Variants in NOL4L observed in about 807,000 individuals in gnomAD.
NOL4L encodes nucleolar protein 4 like, also known as nucleolar protein 4-like.
In NOL4L, 7 loss-of-function variants were observed where a neutral mutation model predicts 64.5. The observed-to-expected ratio is 0.11, with a 90% confidence interval of 0.06 to 0.20. NOL4L has a LOEUF of 0.20. Among genes scored for constraint, NOL4L ranks in the 10% least tolerant of loss-of-function variants. The pLI, the probability that NOL4L is intolerant of heterozygous loss-of-function variation, is 1.00. For missense variants in NOL4L, 680 were observed against 967.1 expected (o/e 0.70, Z 3.94); for synonymous variants, 413 against 401.0 (o/e 1.03, Z -0.36).
intron 3 of NOL4L, among the ~76,000 whole-genome samples, chr20:32,515,664 G>A (rs2017622763): frequency 6.6e-6 from 1 of 152,116 alleles, no homozygotes; most frequent in Non-Finnish European, 1.5e-5. Flanking sequence ...GAAGAAGTGG[G>A]TTCCTTGGAC....
At position 32,502,632 on chromosome 20, in the gene NOL4L, C is replaced by T. The variant is rs553844840; in HGVS notation, c.699+8715G>A. Among the ~76,000 whole-genome samples the T allele has an allele frequency of 1.1e-3, 168 of 151,412 alleles. 1 individual carries two copies. Among genetic ancestry groups the T allele is most frequent in the South Asian group, 5.6e-3 (27 of 4,780 alleles). On this transcript the variant is annotated intron_variant, in intron 4 of 10. Coordinates refer to ENST00000621426, the MANE Select transcript of NOL4L (RefSeq NM_001256798.2). ...CTATAAAAATAAAAATAATGCAGGC[C>T]GGGTGTGGTGGCTCACCCCTGTAAT...
intron 1 of NOL4L, among the ~76,000 whole-genome samples, chr20:32,574,800 T>A (rs1341297295): frequency 1.3e-5 from 2 of 151,084 alleles, no homozygotes; most frequent in African/African-American, 4.8e-5. Flanking sequence ...CGGGGTCCCC[T>A]CCACGGCCTC....
intron 1 of NOL4L, among the ~76,000 whole-genome samples, chr20:32,582,953 G>A (rs1980578765): frequency 6.6e-6 from 1 of 152,034 alleles, no homozygotes. Flanking sequence ...CGGGGGAGGG[G>A]ACAATGACCC....
intron 1 of NOL4L, among the ~76,000 whole-genome samples, chr20:32,561,473 C>T (rs1023833668): frequency 1.3e-5 from 2 of 152,202 alleles, no homozygotes; most frequent in Non-Finnish European, 2.9e-5. Flanking sequence ...CGAGGGTGTG[C>T]CCAAAGGATC....
Position 32,520,912 on chromosome 20 carries a change from G to A in NOL4L, c.488C>T (p.Thr163Ile), listed in dbSNP as rs959077431. The A allele has an allele frequency of 5.2e-6, 8 of 1,549,452 alleles. No individual in the cohort carries two copies. Among genetic ancestry groups the A allele is most frequent in the Non-Finnish European group, 6.1e-6 (7 of 1,146,186 alleles). The change falls in exon 3 of 11, where the codon ACC becomes ATC. Residue 163 changes from threonine to isoleucine, a missense_variant. Thr to Ile is a moderately conservative substitution (Grantham distance 89, BLOSUM62 -1). Coordinates refer to ENST00000621426, the MANE Select transcript of NOL4L (RefSeq NM_001256798.2). ...GGCCTCTCTCGGGAGGAAGGCATAGGTCTCTGCGATCTGGAGGAGAGAAGA... is the reference window on the plus strand; with the variant it reads ...GGCCTCTCTCGGGAGGAAGGCATAGATCTCTGCGATCTGGAGGAGAGAAGA... ...QKKTYRAIAE[T>I]YAFLPREAVT...
intron 4 of NOL4L, among the ~76,000 whole-genome samples, chr20:32,488,733 TTTTC>T (rs954494339): frequency 3.3e-5 from 5 of 149,584 alleles, no homozygotes; most frequent in East Asian, 1.9e-4. Context: ...TCTTTCTTTC[TTTTC>T]TTTCTTTCTT....
intron 4 of NOL4L, among the ~76,000 whole-genome samples, chr20:32,493,275 G>A (rs996624010): frequency 6.6e-6 from 1 of 152,200 alleles, no homozygotes; most frequent in African/African-American, 2.4e-5. Flanking sequence ...AGGTTACCAA[G>A]AGAAAGAGGC....
At position 32,464,663 on chromosome 20, in the gene NOL4L, A is replaced by C. The variant is rs1252621703; in HGVS notation, c.842-8268T>G. The C allele has an allele frequency of 1.5e-5, 3 of 202,110 alleles. No homozygotes were observed. The East Asian group carries it at 3.1e-4, about 21-fold the overall frequency. The allele number at this position is 202,110 out of a possible 1,614,324, so 12.5% of individuals were successfully genotyped here. ...TCACTCTTTGCTTAGGCAGGTGCCAATTTAGGCCCTCACAGTCGGGAGCAG... is the reference window on the plus strand; with the variant it reads ...TCACTCTTTGCTTAGGCAGGTGCCACTTTAGGCCCTCACAGTCGGGAGCAG... On this transcript the variant is annotated intron_variant, in intron 5 of 10. Coordinates refer to ENST00000621426, the MANE Select transcript of NOL4L (RefSeq NM_001256798.2). The surrounding 1 kb of genome is among the most constrained non-coding windows in gnomAD (Gnocchi z 5.6).
In NOL4L at chr20:32,516,844, C is replaced by T. The variant is rs2017688256; in HGVS notation, c.589+3967G>A. On this transcript the variant is annotated intron_variant, in intron 3 of 10. Transcript: ENST00000621426. ...AGGGGTGGAGACCCAAGTGGACAAC[C>T]TGCCTACTGAGGAAGAGTCAGCATT... 2.0e-5 allele frequency among the ~76,000 whole-genome samples: 3 copies of T among 152,364 alleles called. No individual in the cohort carries two copies. In the South Asian group the frequency reaches 6.2e-4, roughly 32 times the overall value.
chr20:32,535,924 C>A, intron 1 of NOL4L: 1 of 985,758 alleles, frequency 1.0e-6, no homozygotes, highest in East Asian at 1.1e-4. Flanking sequence ...CTGGGCCTGG[C>A]TGCAGGACTC....
At chr20:32,457,372 C>T (rs1010930519) in intron 5 of NOL4L, among the ~76,000 whole-genome samples, 3 of 152,146 alleles carry the variant, frequency 2.0e-5, no homozygotes, top group Non-Finnish European at 4.4e-5. Flanking sequence ...ACCCTGGCGG[C>T]TCCACACCTG....
At position 32,482,464 on chromosome 20, in the gene NOL4L, C is replaced by T. The variant is rs564046506; in HGVS notation, c.700-7722G>A. Among the ~76,000 whole-genome samples, 12 of 152,256 alleles carry T rather than the reference C, an allele frequency of 7.9e-5. 1 individual carries two copies. The highest frequency in any genetic ancestry group is 2.9e-4 in the African/African-American group (12 of 41,560). On this transcript the variant is annotated intron_variant, in intron 4 of 10. Coordinates refer to ENST00000621426, the MANE Select transcript of NOL4L (RefSeq NM_001256798.2). The stretch of plus-strand genomic sequence containing the variant: ...CAGGGTCACTTCTGCTCCCGAGCGG[C>T]TGGAATAAAAATGCGGATTGCACTC...
chr20:32,464,578 C>T lies in NOL4L; in HGVS notation c.842-8183G>A, dbSNP rs1360116635. Among the ~76,000 whole-genome samples the T allele has an allele frequency of 6.6e-6, 1 of 152,206 alleles. No homozygotes were observed. The highest frequency in any genetic ancestry group is 2.4e-5 in the African/African-American group (1 of 41,450). On this transcript the variant is annotated intron_variant, in intron 5 of 10. Transcript: ENST00000621426. This position sits in a 1 kb window ranked among gnomAD's most constrained non-coding sequence, Gnocchi z 5.6. The stretch of plus-strand genomic sequence containing the variant: ...CCAGTTCCTCTACCCCCACAGCATG[C>T]GCCTCCTCTGCGTGTGCCCCTCAGT...
chr20:32,576,438 C>T (rs1226873056), intron 1 of NOL4L, among the ~76,000 whole-genome samples: 1 of 151,936 alleles, frequency 6.6e-6, no homozygotes, highest in African/African-American at 2.4e-5. Context: ...CAGGTGTGGC[C>T]GAGGAAGGGG....
At chr20:32,528,553 C>G (rs186826471) in intron 1 of NOL4L, among the ~76,000 whole-genome samples, 2 of 152,346 alleles carry the variant, frequency 1.3e-5, no homozygotes, top group Admixed American at 6.5e-5. Context: ...CCGTGGGCCC[C>G]GAGCCTCTTA....
rs542941363 is a variant in NOL4L at position 32,504,008 on chromosome 20, T to G, written c.699+7339A>C. 3.3e-5 allele frequency among the ~76,000 whole-genome samples: 5 copies of G among 152,316 alleles called. No homozygotes were observed. In the South Asian group the frequency reaches 1.0e-3, roughly 32 times the overall value. On this transcript the variant is annotated intron_variant, in intron 4 of 10. Transcript: ENST00000621426. ...TACTGTGTAATGAAATTTAACCCAT[T>G]CACATTTTTTATATTTAGTAGTTTG...
intron 3 of NOL4L, among the ~76,000 whole-genome samples, chr20:32,514,704 A>C (rs1177856753): frequency 6.6e-6 from 1 of 152,012 alleles, no homozygotes; most frequent in East Asian, 1.9e-4. Flanking sequence ...CCCTAGCCCC[A>C]TACATTGACC....
intron 4 of NOL4L, chr20:32,510,085 T>C (rs1389495586): frequency 2.6e-5 from 15 of 576,516 alleles, no homozygotes; most frequent in Non-Finnish European, 4.0e-5. Flanking sequence ...CAAACTACTT[T>C]GCCTTTGTGC....
intron 1 of NOL4L, among the ~76,000 whole-genome samples, chr20:32,552,935 G>A (rs1376431589): frequency 4.6e-5 from 7 of 152,160 alleles, no homozygotes; most frequent in Non-Finnish European, 5.9e-5. Context: ...ATCTGGGGGC[G>A]GAGGCTGCAG....
Sources: gnomAD v4.1 joint callset for allele counts (sites outside exome capture counted in the v4.1 genomes callset) on GRCh38, gnomAD v4.1.1 for gene constraint, Gnocchi (gnomAD v3.1) non-coding constraint, MANE v1.5 for transcripts, NCBI Gene and HGNC (gene_info 2026-07-23, HGNC 2026-07-21) for gene names.